The following CYP39A1 variants were observed in gnomAD, a reference collection of about 807,000 sequenced individuals.
The protein encoded by CYP39A1 is 24-hydroxycholesterol 7-alpha-hydroxylase.
A neutral mutation model predicts 58.1 loss-of-function variants in CYP39A1; 49 were observed. The ratio of observed to expected loss-of-function variants is 0.84; its 90% CI spans 0.67 to 1.07. The LOEUF is 1.07. Ranked by LOEUF, CYP39A1 falls within the 50% of genes least tolerant of loss-of-function variation. The pLI, the probability that CYP39A1 is intolerant of heterozygous loss-of-function variation, is 0.00. For synonymous variants in CYP39A1, 209 were observed against 187.6 expected (o/e 1.11, Z -0.93); for missense variants, 531 against 539.4 (o/e 0.98, Z 0.16).
intron 7 of CYP39A1, among the ~76,000 whole-genome samples, chr6:46,617,490 C>T (rs1368490025): frequency 6.6e-6 from 1 of 151,992 alleles, no homozygotes; most frequent in Non-Finnish European, 1.5e-5. Context: ...TCTGAGTATA[C>T]ATATAGCATA....
intron 3 of CYP39A1, 149 bp downstream of exon 3, chr6:46,639,344 AT>A (rs3085602): frequency 0.57 from 376,873 of 664,526 alleles, 99,622 homozygotes; most frequent in Admixed American, 0.66. Flanking sequence ...TCAAAAAAAA[AT>A]AATTTAAAAG....
intron 10 of CYP39A1, among the ~76,000 whole-genome samples, chr6:46,568,334 A>T (rs572228357): frequency 1.5e-4 from 23 of 152,200 alleles, no homozygotes; most frequent in Non-Finnish European, 2.5e-4. Flanking sequence ...CAAATATTTT[A>T]TCCCATTCTG....
intron 10 of CYP39A1, among the ~76,000 whole-genome samples, chr6:46,570,518 A>G (rs1308589802): frequency 6.6e-6 from 1 of 152,046 alleles, no homozygotes; most frequent in Non-Finnish European, 1.5e-5. Flanking sequence ...AAGCTTTGGT[A>G]TGTTGTTGTG....
intron 10 of CYP39A1, among the ~76,000 whole-genome samples, chr6:46,573,773 G>T (rs2150496569): frequency 6.6e-6 from 1 of 152,324 alleles, no homozygotes; most frequent in East Asian, 1.9e-4. Flanking sequence ...GGTGTCATCA[G>T]TGTCTGAGAC....
chr6:46,558,669 C>T (rs554890225), intron 10 of CYP39A1, among the ~76,000 whole-genome samples: 7 of 151,998 alleles, frequency 4.6e-5, no homozygotes, highest in Admixed American at 1.3e-4. Context: ...TAATTTTCTC[C>T]GTAAGGATTT....
intron 10 of CYP39A1, among the ~76,000 whole-genome samples, chr6:46,561,064 T>C (rs576875036): frequency 2.6e-5 from 4 of 152,322 alleles, no homozygotes; most frequent in South Asian, 4.1e-4. Flanking sequence ...TACAAGTAAA[T>C]TAAATGAGCT....
intron 7 of CYP39A1, among the ~76,000 whole-genome samples, chr6:46,616,042 C>CTTTCT (rs146289262): frequency 4.8e-4 from 59 of 122,030 alleles, no homozygotes; most frequent in African/African-American, 1.6e-3. Context: ...CTTTCCTCCT[C>CTTTCT]TTTCTTTTCT....
chr6:46,642,233 T>C lies in CYP39A1; in HGVS notation c.243A>G (p.Gly81=). The change falls in exon 2 of 12, where the codon GGA becomes GGG. Residue 81 remains glycine (G), a synonymous_variant. Coordinates refer to ENST00000275016, the MANE Select transcript of CYP39A1 (RefSeq NM_016593.5). The stretch of plus-strand genomic sequence containing the variant: ...TTTTGGATTTTAGAAACACATTAAT[T>C]CCTTCTTCTTCAGTAACAAAGGTCA... ...NRMTFVTEEE[G]INVFLKSKKV... is the part of the protein sequence containing the mutation. The C allele has an allele frequency of 6.2e-7, 1 of 1,612,848 alleles. No individual in the cohort carries two copies. The highest frequency in any genetic ancestry group is 8.5e-7 in the Non-Finnish European group (1 of 1,179,242).
intron 7 of CYP39A1, among the ~76,000 whole-genome samples, chr6:46,605,066 G>C (rs969401216): frequency 6.6e-6 from 1 of 151,784 alleles, no homozygotes; most frequent in African/African-American, 2.4e-5. Flanking sequence ...ACAAGTTTGT[G>C]TTGGGTCAAA....
rs1280112320 is a variant in CYP39A1, at chr6:46,596,550, A to G, written c.932-430T>C. On this transcript the variant is annotated intron_variant, in intron 7 of 11. Coordinates refer to ENST00000275016, the MANE Select transcript of CYP39A1 (RefSeq NM_016593.5). ...CATCCGGCCTTTTTCTTCTGCCTTT[A>G]CCCTTTTGAATTGCTTTTTTTTTTC... 2.0e-5 allele frequency among the ~76,000 whole-genome samples: 3 copies of G among 151,732 alleles called. No homozygotes were observed. The East Asian group carries it at 5.8e-4, about 29-fold the overall frequency.
chr6:46,642,062 T>C (rs1404520510), intron 2 of CYP39A1, 101 bp downstream of exon 2: 2 of 1,228,646 alleles, frequency 1.6e-6, no homozygotes, highest in Non-Finnish European at 2.4e-6. Flanking sequence ...TAATGGACCC[T>C]CATCATTCTT....
chr6:46,635,950 G>A (rs6924295), intron 5 of CYP39A1, among the ~76,000 whole-genome samples: 52,821 of 151,966 alleles, frequency 0.35, 10,548 homozygotes, highest in African/African-American at 0.55. Context: ...CTGGAATAAC[G>A]CTTAGGGCAC....
At chr6:46,631,602 C>T (rs1281119729) in intron 5 of CYP39A1, among the ~76,000 whole-genome samples, 2 of 152,218 alleles carry the variant, frequency 1.3e-5, no homozygotes, top group Non-Finnish European at 2.9e-5. Flanking sequence ...TAGAGAAACA[C>T]ACATCTCTGG....
At chr6:46,585,279 C>G (rs928485746) in intron 10 of CYP39A1, among the ~76,000 whole-genome samples, 1 of 151,594 alleles carries the variant, frequency 6.6e-6, no homozygotes, top group Non-Finnish European at 1.5e-5. Context: ...ACTGCTAGCT[C>G]CAGGTCAAGG....
chr6:46,606,164 G>T (rs1381717396), intron 7 of CYP39A1, among the ~76,000 whole-genome samples: 1 of 151,990 alleles, frequency 6.6e-6, no homozygotes, highest in African/African-American at 2.4e-5. Flanking sequence ...AGGGTAAAAC[G>T]TTCTATATTA....
chr6:46,603,705 C>T (rs999065483), intron 7 of CYP39A1, among the ~76,000 whole-genome samples: 1 of 152,192 alleles, frequency 6.6e-6, no homozygotes. Flanking sequence ...TTTACTCACT[C>T]GTTTACACGT....
At chr6:46,553,498 T>C (rs1356740884) in intron 11 of CYP39A1, among the ~76,000 whole-genome samples, 1 of 152,162 alleles carries the variant, frequency 6.6e-6, no homozygotes, top group Non-Finnish European at 1.5e-5. Flanking sequence ...GTGTTCAAAT[T>C]GGTAAGTGCA....
chr6:46,610,690 T>C (rs1278996992), intron 7 of CYP39A1, among the ~76,000 whole-genome samples: 1 of 152,126 alleles, frequency 6.6e-6, no homozygotes, highest in Non-Finnish European at 1.5e-5. Context: ...TTTTTCTATA[T>C]AGTTTTAAAT....
At chr6:46,557,158 C>A (rs879895235) in intron 10 of CYP39A1, among the ~76,000 whole-genome samples, 44 of 151,574 alleles carry the variant, frequency 2.9e-4, no homozygotes, top group African/African-American at 8.5e-4. Context: ...AAATGAAGTA[C>A]ACAGAATAAA....
Sources: gnomAD v4.1 joint callset for allele counts (sites outside exome capture counted in the v4.1 genomes callset) on GRCh38, gnomAD v4.1.1 for gene constraint, MANE v1.5 for transcripts, NCBI Gene and HGNC (gene_info 2026-07-23, HGNC 2026-07-21) for gene names.